Variants in ZNF493 observed in about 807,000 individuals in gnomAD.
The protein encoded by ZNF493 is zinc finger protein 493.
ZNF493 carries 11 observed loss-of-function variants against 12.2 expected under a neutral mutation model. The ratio of observed to expected loss-of-function variants is 0.90; its 90% CI spans 0.57 to 1.50. The LOEUF is 1.50. ZNF493 is among the 40% of genes most tolerant of loss of function. The pLI is 0.00. For synonymous variants in ZNF493, 286 were observed against 302.6 expected (o/e 0.95, Z 0.57); for missense variants, 950 against 906.6 (o/e 1.05, Z -0.61).
chr19:21,416,189 A>G (rs1202327051), intron 3 of ZNF493, among the ~76,000 whole-genome samples: 1 of 152,160 alleles, frequency 6.6e-6, no homozygotes, highest in Non-Finnish European at 1.5e-5. Flanking sequence ...ATGATATCCT[A>G]ATCTTTGGCG....
At chr19:21,418,342 G>T (rs1293252702) in intron 3 of ZNF493, among the ~76,000 whole-genome samples, 2 of 152,156 alleles carry the variant, frequency 1.3e-5, no homozygotes, top group Non-Finnish European at 2.9e-5. Flanking sequence ...GTGTGAAAAA[G>T]TTCCAAGGTG....
chr19:21,402,646 G>T (rs1301571898), intron 1 of ZNF493, among the ~76,000 whole-genome samples: 2 of 152,128 alleles, frequency 1.3e-5, no homozygotes, highest in Non-Finnish European at 2.9e-5. Flanking sequence ...CCAACAAAAT[G>T]CATTTTCTGC....
At position 21,423,681 on chromosome 19, in the gene ZNF493, T is replaced by TA; in HGVS notation, c.1024dup (p.Ile342AsnfsTer4). 6.2e-7 allele frequency: 1 copy of TA among 1,612,232 alleles called. No homozygotes were observed. Among genetic ancestry groups the TA allele is most frequent in the Non-Finnish European group, 8.5e-7 (1 of 1,179,778 alleles). Reference sequence around the variant, plus strand: ...TTCTCAACCCCTACTAAACATAAGATAATTCACACTGAAGAGAAATCCCAC... The same window carrying TA: ...TTCTCAACCCCTACTAAACATAAGATAAATTCACACTGAAGAGAAATCCCAC... On this transcript the variant is annotated frameshift_variant, in exon 4 of 4. Coordinates refer to ENST00000392288, the MANE Select transcript of ZNF493 (RefSeq NM_001076678.3). LOFTEE classifies it low-confidence loss of function (END_TRUNC).
In ZNF493 at chr19:21,424,614, G is replaced by C. The variant is rs2030799648; in HGVS notation, c.1955G>C (p.Ser652Thr). 2 of 1,590,392 alleles carry C rather than the reference G, an allele frequency of 1.3e-6. No individual in the cohort carries two copies. The highest frequency in any genetic ancestry group is 1.7e-6 in the Non-Finnish European group (2 of 1,170,754). ...CTCGCTGGGCACAAGCAAATTCATA[G>C]TGTACAAAAACCCTACAAATGTGAA... ...SHLAGHKQIH[S>T]VQKPYKCEEC... is the part of the protein sequence containing the mutation. The change falls in exon 4 of 4, where the codon AGT becomes ACT. Residue 652 changes from serine to threonine, a missense_variant. By Grantham distance (58) the Ser-to-Thr change is moderately conservative. Coordinates refer to ENST00000392288, the MANE Select transcript of ZNF493 (RefSeq NM_001076678.3).
intron 3 of ZNF493, among the ~76,000 whole-genome samples, chr19:21,411,386 T>G (rs557492600): frequency 6.6e-6 from 1 of 152,232 alleles, no homozygotes; most frequent in South Asian, 2.1e-4. Flanking sequence ...TGTTCTTTTT[T>G]ATGAGTGTTT....
At chr19:21,411,587 G>A (rs1012873143) in intron 3 of ZNF493, among the ~76,000 whole-genome samples, 3 of 151,884 alleles carry the variant, frequency 2.0e-5, no homozygotes, top group Non-Finnish European at 4.4e-5. Flanking sequence ...GGGTGTGGTG[G>A]CGTGCGCCTG....
intron 3 of ZNF493, among the ~76,000 whole-genome samples, chr19:21,406,941 T>G (rs1406087567): frequency 6.6e-6 from 1 of 152,148 alleles, no homozygotes; most frequent in Non-Finnish European, 1.5e-5. Flanking sequence ...ATTTGTAAAT[T>G]TATTTGTGTC....
At chr19:21,421,723 A>G (rs1035472167) in intron 3 of ZNF493, among the ~76,000 whole-genome samples, 4 of 152,180 alleles carry the variant, frequency 2.6e-5, no homozygotes, top group Admixed American at 2.0e-4. Context: ...AATCTTTGTA[A>G]TATGGCTTTC....
chr19:21,425,100 T>A lies in ZNF493; in HGVS notation c.*116T>A. 3 of 1,240,768 alleles carry A rather than the reference T, an allele frequency of 2.4e-6. No individual in the cohort carries two copies. The highest frequency in any genetic ancestry group is 3.5e-6 in the Non-Finnish European group (3 of 851,384). 76.9% of individuals were successfully genotyped at this position (1,240,768 alleles called of 1,614,324 possible). On this transcript the variant is annotated 3_prime_UTR_variant, in exon 4 of 4. Coordinates refer to ENST00000392288, the MANE Select transcript of ZNF493 (RefSeq NM_001076678.3). Reference sequence around the variant, plus strand: ...GATAATTAATGCTGGAGAGAAACCCTACAAATGTGAAGAATGTGGCAAAGA... The same window carrying A: ...GATAATTAATGCTGGAGAGAAACCCAACAAATGTGAAGAATGTGGCAAAGA...
chr19:21,414,991 G>T (rs533763472), intron 3 of ZNF493, among the ~76,000 whole-genome samples: 2 of 152,090 alleles, frequency 1.3e-5, no homozygotes, highest in Non-Finnish European at 2.9e-5. Context: ...TTGTACCTTC[G>T]TGAGAGAGAC....
rs750606668 is a variant in ZNF493, at chr19:21,424,811, T to C, written c.2152T>C (p.Cys718Arg). 1.2e-6 allele frequency: 2 copies of C among 1,613,596 alleles called. No individual in the cohort carries two copies. The highest frequency in any genetic ancestry group is 2.2e-5 in the East Asian group (1 of 44,844). ...TGEKPCKCEE[C>R]GKAFNHSSNL... ...AGAGAAACCTTGCAAATGTGAAGAA[T>C]GTGGCAAAGCTTTTAACCATTCCTC... The change falls in exon 4 of 4, where the codon TGT becomes CGT. Residue 718 changes from cysteine to arginine, a missense_variant. Physicochemically the swap from Cys to Arg is radical, Grantham distance 180 (BLOSUM62 -3). Transcript: ENST00000392288.
chr19:21,423,383 T>A lies in ZNF493; in HGVS notation c.724T>A (p.Cys242Ser), dbSNP rs1302001163. ...TGGAGAGAAATCCTACAAATATGAA[T>A]GTGGCAAATCTTTTAACCAGGACTC... ...HTGEKSYKYE[C>S]GKSFNQDSNL... Residue 242 changes from cysteine to serine, a missense_variant, in exon 4 of 4, where the codon TGT (cysteine) becomes AGT (serine). By Grantham distance (112) the Cys-to-Ser change is moderately radical. Coordinates refer to ENST00000392288, the MANE Select transcript of ZNF493 (RefSeq NM_001076678.3). The A allele has an allele frequency of 6.2e-7, 1 of 1,613,186 alleles. No individual in the cohort carries two copies. The highest frequency in any genetic ancestry group is 8.5e-7 in the Non-Finnish European group (1 of 1,179,768).
chr19:21,422,080 G>A (rs756505123), intron 3 of ZNF493, among the ~76,000 whole-genome samples: 14 of 152,106 alleles, frequency 9.2e-5, no homozygotes, highest in South Asian at 2.1e-4. Context: ...TCTTGAACTC[G>A]TGATCCACCC....
rs1020849346 is a variant in ZNF493 at position 21,425,827 on chromosome 19, ATAAT to A, written c.*848_*851del. 1.1e-4 allele frequency: 60 copies of A among 560,856 alleles called. 1 individual carries two copies. In the East Asian group the frequency reaches 2.3e-3, roughly 22 times the overall value. 34.7% of individuals were successfully genotyped at this position (560,856 alleles called of 1,614,324 possible). A position where few individuals can be genotyped will look rare whatever the true frequency, so the allele number is the denominator to read the frequency against. ...ATCCAGTCCTCAACTCCTAGTAAAC[ATAAT>A]TAATGATGGAGAGAAACCATACAAC... On this transcript the variant is annotated 3_prime_UTR_variant, in exon 4 of 4. Transcript: ENST00000392288.
chr19:21,403,248 G>A lies in ZNF493; in HGVS notation c.31-1881G>A, dbSNP rs572395449. Among the ~76,000 whole-genome samples the A allele has an allele frequency of 7.2e-5, 11 of 152,322 alleles. No individual in the cohort carries two copies. The South Asian group carries it at 1.2e-3, about 17-fold the overall frequency. ...TTAAGGTGAGGACAGAATTAAGTGTGTGGGGTTCAAGATAGATTCATGAGA... is the reference window on the plus strand; with the variant it reads ...TTAAGGTGAGGACAGAATTAAGTGTATGGGGTTCAAGATAGATTCATGAGA... On this transcript the variant is annotated intron_variant, in intron 1 of 3. Transcript: ENST00000392288.
intron 1 of ZNF493, among the ~76,000 whole-genome samples, chr19:21,400,759 T>C (rs929131728): frequency 2.0e-5 from 3 of 152,206 alleles, no homozygotes; most frequent in African/African-American, 7.2e-5. Context: ...GGGAGGGTCA[T>C]ACTGACCATG....
Position 21,423,033 on chromosome 19 carries a change from G to A in ZNF493, c.374G>A (p.Gly125Glu). 6.2e-7 allele frequency: 1 copy of A among 1,613,330 alleles called. No individual in the cohort carries two copies. The highest frequency in any genetic ancestry group is 8.5e-7 in the Non-Finnish European group (1 of 1,179,710). Residue 125 changes from glycine (G) to glutamate (E), a missense_variant, in exon 4 of 4, where the codon GGA becomes GAA. By Grantham distance (98) the Gly-to-Glu change is moderately conservative (BLOSUM62 -2). Transcript: ENST00000392288. Reference protein sequence around the residue: ...CGHKDLQLRKGCKSMNECNVH... With the variant: ...CGHKDLQLRKECKSMNECNVH... The stretch of plus-strand genomic sequence containing the variant: ...CATAAGGATTTACAGTTAAGAAAAG[G>A]ATGTAAAAGTATGAATGAGTGTAAT...
intron 3 of ZNF493, chr19:21,412,942 A>G: frequency 2.3e-6 from 1 of 431,484 alleles, no homozygotes; most frequent in Non-Finnish European, 4.6e-6. Flanking sequence ...AGGTGCCACT[A>G]TACTGCCATG....
intron 2 of ZNF493, chr19:21,405,479 C>T: frequency 7.3e-7 from 1 of 1,362,488 alleles, no homozygotes; most frequent in Admixed American, 3.3e-5. Context: ...CTTCACTCTA[C>T]AGTAGTGGTA....
Sources: allele counts gnomAD v4.1 joint callset (sites outside exome capture counted in the v4.1 genomes callset), GRCh38; gene constraint gnomAD v4.1.1; transcripts MANE v1.5; gene names NCBI Gene and HGNC (gene_info 2026-07-23, HGNC 2026-07-21).